OVCA2: variants seen among roughly 807,000 people sequenced by gnomAD.
OVCA2 encodes the protein OVCA2 serine hydrolase domain containing.
Under a neutral mutation model 10.1 loss-of-function variants are expected in OVCA2, and 14 were observed. The observed-to-expected ratio is 1.39, with a 90% CI of 0.92 to 2.17. The LOEUF is 2.17. Ranked by LOEUF, OVCA2 falls within the 30% of genes most tolerant of loss-of-function variation. OVCA2 has a pLI of 0.00. For synonymous variants in OVCA2, 201 were observed against 134.1 expected, an observed-to-expected ratio of 1.50 and a Z score of -3.45; for missense variants, 376 against 300.5, an observed-to-expected ratio of 1.25 and a Z score of -1.86.
chr17:2,042,482 C>T (rs770616501), intron 1 of OVCA2, 123 bp from the exon 2 acceptor site: 2 of 1,398,408 alleles, frequency 1.4e-6, no homozygotes, highest in Non-Finnish European at 1.9e-6. Flanking sequence ...TCATTTCCCC[C>T]AGACTTTTGC....
Position 2,042,185 on chromosome 17 carries a change from C to T in OVCA2, c.138C>T (p.His46=), listed in dbSNP as rs1263951256. ...AGCTCGTGTGCCTCAGCGGCCCGCACCCGGTCCCCGACCCCCCGGGCCCCG... is the reference window on the plus strand; with the variant it reads ...AGCTCGTGTGCCTCAGCGGCCCGCATCCGGTCCCCGACCCCCCGGGCCCCG... ...RAELVCLSGP[H]PVPDPPGPEG... is the part of the protein sequence containing the mutation. The change falls in exon 1 of 2, where the codon CAC becomes CAT. Residue 46 remains histidine (H), a synonymous_variant. Transcript: ENST00000572195. 1 of 1,445,946 alleles carries T rather than the reference C, an allele frequency of 6.9e-7. No homozygotes were observed. The highest frequency in any genetic ancestry group is 1.4e-5 in the South Asian group (1 of 71,536). 89.6% of individuals were successfully genotyped at this position (1,445,946 alleles called of 1,614,324 possible). A position where few individuals can be genotyped will look rare whatever the true frequency, so the allele number is the denominator to read the frequency against.
Position 2,042,630 on chromosome 17 carries a change from T to TC in OVCA2, c.211dup (p.Arg71ProfsTer43). ...GGTCCTGCCCTCCGGAGGAGCAGCC[T>TC]CGAGGCTGGTGGTTTTCAGAGCAGG... On this transcript the variant is annotated frameshift_variant, in exon 2 of 2. Transcript: ENST00000572195. LOFTEE classifies it high-confidence loss of function. 1 of 1,520,070 alleles carries TC rather than the reference T, an allele frequency of 6.6e-7. No individual in the cohort carries two copies. Among genetic ancestry groups the TC allele is most frequent in the Non-Finnish European group, 8.8e-7 (1 of 1,136,980 alleles). 94.2% of individuals were successfully genotyped at this position (1,520,070 alleles called of 1,614,324 possible). A position where few individuals can be genotyped will look rare whatever the true frequency, so the allele number is the denominator to read the frequency against.
intron 1 of OVCA2, 148 bp from the exon 2 acceptor site, chr17:2,042,457 C>T (rs2067557465): frequency 7.7e-7 from 1 of 1,292,550 alleles, no homozygotes; most frequent in Non-Finnish European, 1.0e-6. Context: ...GGCCAATCCA[C>T]TCATTTCCCC....
Position 2,042,027 on chromosome 17 carries a change from C to A in OVCA2, c.-21C>A, listed in dbSNP as rs1016798779. ...GGGGAAAGACCGCTTCCGGTGCTTC[C>A]GTCGCTCCTTGCCGGGCATAATGGC... On this transcript the variant is annotated 5_prime_UTR_variant, in exon 1 of 2. Transcript: ENST00000572195. 3 of 1,499,382 alleles carry A rather than the reference C, an allele frequency of 2.0e-6. No individual in the cohort carries two copies. The highest frequency in any genetic ancestry group is 2.7e-6 in the Non-Finnish European group (3 of 1,128,346). 92.9% of individuals were successfully genotyped at this position (1,499,382 alleles called of 1,614,324 possible). A position where few individuals can be genotyped will look rare whatever the true frequency, so the allele number is the denominator to read the frequency against.
In OVCA2 at chr17:2,042,203, G is replaced by C; in HGVS notation, c.156G>C (p.Pro52=). The change falls in exon 1 of 2, where the codon CCG becomes CCC. Residue 52 remains proline (P), a synonymous_variant. Coordinates refer to ENST00000572195, the MANE Select transcript of OVCA2 (RefSeq NM_080822.3). ...GCCCGCACCCGGTCCCCGACCCCCC[G>C]GGCCCCGAGGGCGCCAGATCAGACT... ...LSGPHPVPDP[P]GPEGARSDFG... 1.4e-6 allele frequency: 2 copies of C among 1,431,968 alleles called. No homozygotes were observed. Among genetic ancestry groups the C allele is most frequent in the Non-Finnish European group, 1.8e-6 (2 of 1,100,264 alleles). The allele number at this position is 1,431,968 out of a possible 1,614,324, so 88.7% of individuals were successfully genotyped here.
Position 2,042,189 on chromosome 17 carries a change from G to A in OVCA2, c.142G>A (p.Val48Ile), listed in dbSNP as rs754623230. The change falls in exon 1 of 2, where the codon GTC becomes ATC. Residue 48 changes from valine to isoleucine, a missense_variant. Physicochemically the swap from Val to Ile is conservative, Grantham distance 29. Transcript: ENST00000572195. ...ELVCLSGPHP[V>I]PDPPGPEGAR... Reference sequence around the variant, plus strand: ...CGTGTGCCTCAGCGGCCCGCACCCGGTCCCCGACCCCCCGGGCCCCGAGGG... The same window carrying A: ...CGTGTGCCTCAGCGGCCCGCACCCGATCCCCGACCCCCCGGGCCCCGAGGG... The A allele has an allele frequency of 6.3e-6, 9 of 1,435,258 alleles. No individual in the cohort carries two copies. Among genetic ancestry groups the A allele is most frequent in the Non-Finnish European group, 8.2e-6 (9 of 1,101,330 alleles). The allele number at this position is 1,435,258 out of a possible 1,614,324, so 88.9% of individuals were successfully genotyped here.
chr17:2,042,917 C>G lies in OVCA2; in HGVS notation c.497C>G (p.Pro166Arg), dbSNP rs1291202807. Residue 166 changes from proline to arginine, a missense_variant, in exon 2 of 2, where the codon CCC (proline) becomes CGC (arginine). Transcript: ENST00000572195. Reference protein sequence around the residue: ...IGFKESILQRPLSLPSLHVFG... With the variant: ...IGFKESILQRRLSLPSLHVFG... ...TTCAAGGAATCCATCCTGCAAAGGC[C>G]CTTGTCATTGCCTTCGCTCCATGTT... 6.2e-7 allele frequency: 1 copy of G among 1,614,036 alleles called. No homozygotes were observed. The highest frequency in any genetic ancestry group is 1.3e-5 in the African/African-American group (1 of 74,914).
chr17:2,042,288 C>A, intron 1 of OVCA2, 57 bp downstream of exon 1: 2 of 1,398,074 alleles, frequency 1.4e-6, no homozygotes, highest in Non-Finnish European at 1.8e-6. Flanking sequence ...GTTTCGTCCC[C>A]CTCGACACCC....
rs2067575236 is a variant in OVCA2 at position 2,043,057 on chromosome 17, C to T, written c.637C>T (p.Pro213Ser). 2 of 1,614,002 alleles carry T rather than the reference C, an allele frequency of 1.2e-6. No homozygotes were observed. The highest frequency in any genetic ancestry group is 2.2e-5 in the South Asian group (2 of 91,084). The change falls in exon 2 of 2, where the codon CCC (proline) becomes TCC (serine). Residue 213 changes from proline to serine, a missense_variant. By Grantham distance (74) the Pro-to-Ser change is moderately conservative. Coordinates refer to ENST00000572195, the MANE Select transcript of OVCA2 (RefSeq NM_080822.3). ...SGGHFIPAAAPQRQAYLKFLD... is the reference protein window; with the variant it reads ...SGGHFIPAAASQRQAYLKFLD... ...TGGCCACTTCATTCCAGCAGCTGCA[C>T]CCCAGCGTCAGGCCTACCTCAAGTT...
rs1243908833 is a variant in OVCA2, at chr17:2,043,094, T to C, written c.674T>C (p.Phe225Ser). 30 of 1,613,256 alleles carry C rather than the reference T, an allele frequency of 1.9e-5. No individual in the cohort carries two copies. The highest frequency in any genetic ancestry group is 2.5e-5 in the Non-Finnish European group (29 of 1,179,674). The change falls in exon 2 of 2, where the codon TTT becomes TCT. Residue 225 changes from phenylalanine (F) to serine (S), a missense_variant. Phe to Ser is a radical substitution (Grantham distance 155, BLOSUM62 -2). Coordinates refer to ENST00000572195, the MANE Select transcript of OVCA2 (RefSeq NM_080822.3). Reference sequence around the variant, plus strand: ...GCCTACCTCAAGTTCTTGGACCAGTTTGCAGAGTGAAAGATCAAGAAATGT... The same window carrying C: ...GCCTACCTCAAGTTCTTGGACCAGTCTGCAGAGTGAAAGATCAAGAAATGT... The part of the protein sequence containing the change: ...RQAYLKFLDQ[F>S]AE
Position 2,042,635 on chromosome 17 carries a change from G to A in OVCA2, c.215G>A (p.Gly72Asp). Residue 72 changes from glycine to aspartate, a missense_variant, in exon 2 of 2, where the codon GGC (glycine) becomes GAC (aspartate). Transcript: ENST00000572195. ...TGCCCTCCGGAGGAGCAGCCTCGAG[G>A]CTGGTGGTTTTCAGAGCAGGAGGCC... ...GSCPPEEQPR[G>D]WWFSEQEADV... is the part of the protein sequence containing the mutation. 1 of 1,520,504 alleles carries A rather than the reference G, an allele frequency of 6.6e-7. No homozygotes were observed. The highest frequency in any genetic ancestry group is 8.8e-7 in the Non-Finnish European group (1 of 1,137,128). 94.2% of individuals were successfully genotyped at this position (1,520,504 alleles called of 1,614,324 possible). A position where few individuals can be genotyped will look rare whatever the true frequency, so the allele number is the denominator to read the frequency against.
At chr17:2,042,291 C>T (rs1420494673) in intron 1 of OVCA2, 60 bp downstream of exon 1, 2 of 1,397,442 alleles carry the variant, frequency 1.4e-6, no homozygotes, top group Non-Finnish European at 1.8e-6. Flanking sequence ...TCGTCCCCCT[C>T]GACACCCTTC....
chr17:2,043,072 T>C lies in OVCA2; in HGVS notation c.652T>C (p.Tyr218His), dbSNP rs766465095. ...IPAAAPQRQA[Y>H]LKFLDQFAE The stretch of plus-strand genomic sequence containing the variant: ...AGCAGCTGCACCCCAGCGTCAGGCC[T>C]ACCTCAAGTTCTTGGACCAGTTTGC... Residue 218 changes from tyrosine to histidine, a missense_variant, in exon 2 of 2, where the codon TAC becomes CAC. Transcript: ENST00000572195. 1.2e-6 allele frequency: 2 copies of C among 1,613,922 alleles called. No individual in the cohort carries two copies. The highest frequency in any genetic ancestry group is 4.5e-5 in the East Asian group (2 of 44,882).
Position 2,042,110 on chromosome 17 carries a change from C to T in OVCA2, c.63C>T (p.Gly21=). 2 of 1,568,716 alleles carry T rather than the reference C, an allele frequency of 1.3e-6. No individual in the cohort carries two copies. Among genetic ancestry groups the T allele is most frequent in the African/African-American group, 2.8e-5 (2 of 72,638 alleles). The change falls in exon 1 of 2, where the codon GGC becomes GGT. Residue 21 remains glycine, a synonymous_variant. Coordinates refer to ENST00000572195, the MANE Select transcript of OVCA2 (RefSeq NM_080822.3). ...CGGGCTTCCGGCAGAGCGAGCGGGG[C>T]TTCCGTGAGAAGACCGGGGCGCTGA... ...CLAGFRQSER[G]FREKTGALRK...
At position 2,042,636 on chromosome 17, in the gene OVCA2, C is replaced by G. The variant is rs750294111; in HGVS notation, c.216C>G (p.Gly72=). 9 of 1,520,512 alleles carry G rather than the reference C, an allele frequency of 5.9e-6. No homozygotes were observed. In the East Asian group the frequency reaches 1.8e-4, roughly 31 times the overall value. The allele number at this position is 1,520,512 out of a possible 1,614,324, so 94.2% of individuals were successfully genotyped here. A position where few individuals can be genotyped will look rare whatever the true frequency, so the allele number is the denominator to read the frequency against. The change falls in exon 2 of 2, where the codon GGC becomes GGG. Residue 72 remains glycine, a synonymous_variant. Coordinates refer to ENST00000572195, the MANE Select transcript of OVCA2 (RefSeq NM_080822.3). The part of the protein sequence containing the change: ...GSCPPEEQPR[G]WWFSEQEADV... ...GCCCTCCGGAGGAGCAGCCTCGAGG[C>G]TGGTGGTTTTCAGAGCAGGAGGCCG...
At chr17:2,042,364 C>T in intron 1 of OVCA2, 133 bp downstream of exon 1, 3 of 1,324,066 alleles carry the variant, frequency 2.3e-6, no homozygotes, top group Non-Finnish European at 2.0e-6. Context: ...TCATTTCTCG[C>T]GACCCATACC....
chr17:2,042,919 T>C lies in OVCA2; in HGVS notation c.499T>C (p.Leu167=), dbSNP rs774325025. ...CAAGGAATCCATCCTGCAAAGGCCC[T>C]TGTCATTGCCTTCGCTCCATGTTTT... The part of the protein sequence containing the change: ...GFKESILQRP[L]SLPSLHVFGD... The change falls in exon 2 of 2, where the codon TTG becomes CTG. Residue 167 remains leucine, a synonymous_variant. Coordinates refer to ENST00000572195, the MANE Select transcript of OVCA2 (RefSeq NM_080822.3). 1.2e-6 allele frequency: 2 copies of C among 1,614,180 alleles called. No individual in the cohort carries two copies. Among genetic ancestry groups the C allele is most frequent in the South Asian group, 2.2e-5 (2 of 91,090 alleles).
Position 2,043,296 on chromosome 17 carries a change from C to A in OVCA2, c.*192C>A. On this transcript the variant is annotated 3_prime_UTR_variant, in exon 2 of 2. Coordinates refer to ENST00000572195, the MANE Select transcript of OVCA2 (RefSeq NM_080822.3). The stretch of plus-strand genomic sequence containing the variant: ...TACTGAAGAAAAGGGGAGCACAAGG[C>A]CTTAATGGACATTGACTTGTGAAAA... The A allele has an allele frequency of 1.5e-6, 1 of 652,308 alleles. No individual in the cohort carries two copies. The highest frequency in any genetic ancestry group is 2.5e-6 in the Non-Finnish European group (1 of 396,362). The allele number at this position is 652,308 out of a possible 1,614,324, so 40.4% of individuals were successfully genotyped here. A position where few individuals can be genotyped will look rare whatever the true frequency, so the allele number is the denominator to read the frequency against.
chr17:2,042,535 C>G lies in OVCA2; in HGVS notation c.185-70C>G, dbSNP rs1054480541. 4 of 1,481,242 alleles carry G rather than the reference C, an allele frequency of 2.7e-6. No homozygotes were observed. The African/African-American group carries it at 4.2e-5, about 16-fold the overall frequency. 91.8% of individuals were successfully genotyped at this position (1,481,242 alleles called of 1,614,324 possible). A position where few individuals can be genotyped will look rare whatever the true frequency, so the allele number is the denominator to read the frequency against. On this transcript the variant is annotated intron_variant, in intron 1 of 1. Coordinates refer to ENST00000572195, the MANE Select transcript of OVCA2 (RefSeq NM_080822.3). ...CTCTGTCATCTCGAACCCTCCTGCC[C>G]TTTCTCATTTCTTTCCTTCCTGGAG...
Sources: gnomAD v4.1 joint callset for allele counts on GRCh38, gnomAD v4.1.1 for gene constraint, MANE v1.5 for transcripts, NCBI Gene and HGNC (gene_info 2026-07-23, HGNC 2026-07-21) for gene names.